ZNF469: variants seen among roughly 807,000 people sequenced by gnomAD.
ZNF469 encodes zinc finger protein 469.
ZNF469 carries 1 observed loss-of-function variant against 1.0 expected under a neutral mutation model. That is an observed-to-expected ratio of 1.00 (90% CI 0.35 to 4.73). The LOEUF is 4.73. ZNF469 is among the 30% of genes most tolerant of loss of function. ZNF469 has a pLI of 0.16. For missense variants in ZNF469, 6,100 were observed against 5,356.3 expected, an observed-to-expected ratio of 1.14 and a Z score of -4.33; for synonymous variants, 2,703 against 2,363.4, an observed-to-expected ratio of 1.14 and a Z score of -4.17.
upstream of ZNF469, among the ~76,000 whole-genome samples, chr16:88,381,101 G>C (rs1312105927): frequency 7.8e-5 from 4 of 50,980 alleles, no homozygotes; most frequent in African/African-American, 9.1e-5. Flanking sequence ...CACACACCCG[G>C]ACATGCACTC....
Position 88,429,773 on chromosome 16 carries a change from C to G in ZNF469, c.2303C>G (p.Pro768Arg), listed in dbSNP as rs1163491100. The G allele has an allele frequency of 1.3e-6, 2 of 1,544,782 alleles. No homozygotes were observed. Among genetic ancestry groups the G allele is most frequent in the African/African-American group, 1.4e-5 (1 of 72,954 alleles). ...ARAKDGHQRS[P>R]GPPGLPSPPA... ...GCCAAGGATGGCCACCAGCGGTCTCCAGGCCCCCCTGGGCTCCCCTCGCCC... is the reference window on the plus strand; with the variant it reads ...GCCAAGGATGGCCACCAGCGGTCTCGAGGCCCCCCTGGGCTCCCCTCGCCC... The change falls in exon 3 of 3, where the codon CCA (proline) becomes CGA (arginine). Residue 768 changes from proline (P) to arginine (R), a missense_variant. Pro to Arg is a moderately radical substitution (Grantham distance 103). Coordinates refer to ENST00000565624, the MANE Select transcript of ZNF469 (RefSeq NM_001367624.2).
the ZNF469 span, among the ~76,000 whole-genome samples, chr16:88,221,232 G>T: frequency 6.6e-6 from 1 of 152,216 alleles, no homozygotes; most frequent in African/African-American, 2.4e-5. Context: ...TGGCTGGGCC[G>T]CAGAATGTCA....
chr16:88,135,169 G>A, the ZNF469 span, among the ~76,000 whole-genome samples: 2 of 152,248 alleles, frequency 1.3e-5, no homozygotes, highest in East Asian at 1.9e-4. Context: ...CGAGCATTCC[G>A]TGGGGCAGGG....
upstream of ZNF469, among the ~76,000 whole-genome samples, chr16:88,379,660 C>A (rs1381466296): frequency 6.6e-6 from 1 of 152,162 alleles, no homozygotes; most frequent in Non-Finnish European, 1.5e-5. Flanking sequence ...AGCCCCTGCC[C>A]CCCAGCTAGA....
intron 1 of ZNF469, among the ~76,000 whole-genome samples, chr16:88,392,203 GA>G (rs1904509980): frequency 6.6e-6 from 1 of 152,264 alleles, no homozygotes; most frequent in Non-Finnish European, 1.5e-5. Flanking sequence ...GCGCCCTCAG[GA>G]AGTCGCGTGC....
At chr16:88,245,851 C>T in the ZNF469 span, among the ~76,000 whole-genome samples, 2 of 152,272 alleles carry the variant, frequency 1.3e-5, no homozygotes, top group South Asian at 2.1e-4. Flanking sequence ...AGACATTGAG[C>T]GTGCCTGGTG....
rs113683503 is a variant in ZNF469, at chr16:88,388,185, C to T, written c.-192+4931C>T. 2.1e-3 allele frequency among the ~76,000 whole-genome samples: 327 copies of T among 152,328 alleles called. 1 individual carries two copies. The highest frequency in any genetic ancestry group is 7.4e-3 in the African/African-American group (308 of 41,570). On this transcript the variant is annotated intron_variant, in intron 1 of 2. Coordinates refer to ENST00000565624, the MANE Select transcript of ZNF469 (RefSeq NM_001367624.2). ...GCAGTGAGTGTGAACTCAGCAGCCC[C>T]GGCCGAGGGAGCTGTGCCCAGGGCT...
chr16:88,231,139 C>T, the ZNF469 span, among the ~76,000 whole-genome samples: 1 of 152,148 alleles, frequency 6.6e-6, no homozygotes, highest in Non-Finnish European at 1.5e-5. This position sits in a 1 kb window ranked among gnomAD's most constrained non-coding sequence, Gnocchi z 4.5. Context: ...GGTTCATGCT[C>T]ATCAGAACCC....
the ZNF469 span, among the ~76,000 whole-genome samples, chr16:88,256,895 CTTCTTTCTTTCT>C: frequency 1.4e-4 from 7 of 51,476 alleles, no homozygotes; most frequent in African/African-American, 4.8e-4. Context: ...CTTTTCTTTC[CTTCTTTCTTTCT>C]TTCTTTCTTT....
chr16:88,249,453 T>G, the ZNF469 span, among the ~76,000 whole-genome samples: 1 of 115,282 alleles, frequency 8.7e-6, no homozygotes, highest in Non-Finnish European at 1.9e-5. Context: ...TTTTTTTTTT[T>G]TGAGTTGGAA....
At chr16:88,150,552 G>A in the ZNF469 span, among the ~76,000 whole-genome samples, 4 of 152,136 alleles carry the variant, frequency 2.6e-5, no homozygotes, top group Non-Finnish European at 5.9e-5. Flanking sequence ...CCCCCTTTGT[G>A]GGTGGACTCT....
In ZNF469 at chr16:88,437,294, C is replaced by T. The variant is rs1170249728; in HGVS notation, c.9824C>T (p.Ala3275Val). 1.2e-5 allele frequency: 19 copies of T among 1,547,522 alleles called. No individual in the cohort carries two copies. The highest frequency in any genetic ancestry group is 1.2e-4 in the South Asian group (10 of 83,928). Residue 3275 changes from alanine (A) to valine (V), a missense_variant, in exon 3 of 3, where the codon GCA becomes GTA. Transcript: ENST00000565624. ...CCGGGCGAGAGGGCGAAACCCCGGGCACGCAGCACCCCCAGCAACCCAGAC... is the reference window on the plus strand; with the variant it reads ...CCGGGCGAGAGGGCGAAACCCCGGGTACGCAGCACCCCCAGCAACCCAGAC... ...DSPGERAKPR[A>V]RSTPSNPDGA...
At chr16:88,115,691 G>T in the ZNF469 span, among the ~76,000 whole-genome samples, 10 of 148,616 alleles carry the variant, frequency 6.7e-5, no homozygotes, top group Non-Finnish European at 1.5e-4. Context: ...CCTTCCATCT[G>T]TACTCCCTCT....
chr16:88,319,528 C>A, the ZNF469 span, among the ~76,000 whole-genome samples: 1 of 152,292 alleles, frequency 6.6e-6, no homozygotes, highest in South Asian at 2.1e-4. Context: ...TGCCAATGAT[C>A]CCTTTTCCAT....
Position 88,437,105 on chromosome 16 carries a change from G to A in ZNF469, c.9635G>A (p.Gly3212Glu), listed in dbSNP as rs1906640815. The change falls in exon 3 of 3, where the codon GGG becomes GAG. Residue 3212 changes from glycine (G) to glutamate (E), a missense_variant. By Grantham distance (98) the Gly-to-Glu change is moderately conservative (BLOSUM62 -2). Transcript: ENST00000565624. ...AGGGGGCAGGCGCGGAGGTCCTTGG[G>A]GGACCTGCCCGGAGGCCTGGAGGGC... ...ARRGQARRSL[G>E]DLPGGLEGSS... 5.2e-6 allele frequency: 8 copies of A among 1,547,160 alleles called. No homozygotes were observed. Among genetic ancestry groups the A allele is most frequent in the African/African-American group, 2.7e-5 (2 of 73,138 alleles).
chr16:88,223,737 G>A, the ZNF469 span, among the ~76,000 whole-genome samples: 1 of 152,246 alleles, frequency 6.6e-6, no homozygotes, highest in African/African-American at 2.4e-5. Flanking sequence ...GCAGCTTTCC[G>A]CTGCCTCTCA....
the ZNF469 span, among the ~76,000 whole-genome samples, chr16:88,173,601 A>G: frequency 3.3e-5 from 5 of 152,328 alleles, no homozygotes; most frequent in South Asian, 1.0e-3. Context: ...AGATAGATAA[A>G]CGCATTTTCC....
chr16:88,333,862 C>T, the ZNF469 span, among the ~76,000 whole-genome samples: 267 of 96,080 alleles, frequency 2.8e-3, 3 homozygotes, highest in African/African-American at 7.3e-3. Flanking sequence ...GGGGCAGTTG[C>T]AGTGTGTGTG....
At chr16:88,291,247 T>A in the ZNF469 span, among the ~76,000 whole-genome samples, 2 of 152,130 alleles carry the variant, frequency 1.3e-5, no homozygotes, top group Admixed American at 1.3e-4. Context: ...TGTTCAGACT[T>A]TTCTGTAGGA....
Sources: gnomAD v4.1 joint callset for allele counts (sites outside exome capture counted in the v4.1 genomes callset) on GRCh38, gnomAD v4.1.1 for gene constraint, Gnocchi (gnomAD v3.1) non-coding constraint, MANE v1.5 for transcripts, NCBI Gene and HGNC (gene_info 2026-07-23, HGNC 2026-07-21) for gene names.